Variants in LZTS3 observed in about 807,000 individuals in gnomAD.
The protein encoded by LZTS3 is leucine zipper tumor suppressor family member 3, also known as leucine zipper putative tumor suppressor 3.
LZTS3 carries 16 observed loss-of-function variants against 50.9 expected under a neutral mutation model. The ratio of observed to expected loss-of-function variants is 0.31; its 90% CI spans 0.21 to 0.48. The LOEUF is 0.48. Among genes scored for constraint, LZTS3 ranks in the 20% least tolerant of loss-of-function variants. The probability of loss-of-function intolerance (pLI) is 0.99; values close to 1 mark genes in which losing one functional copy is unlikely to be tolerated. For synonymous variants in LZTS3, 408 were observed against 410.6 expected (o/e 0.99, Z 0.08); for missense variants, 816 against 931.0 (o/e 0.88, Z 1.61).
At position 3,164,606 on chromosome 20, in the gene LZTS3, C is replaced by T. The variant is rs764234215; in HGVS notation, c.1870G>A (p.Val624Met). 6.2e-7 allele frequency: 1 copy of T among 1,612,760 alleles called. No homozygotes were observed. ...EYQKQLQLSY[V>M]EMYQRNQQLE... ...TGCTGGTTGCGCTGGTACATCTCCA[C>T]GTAGCTCAGCTGCAGCTGCTTCTGG... Residue 624 changes from valine to methionine, a missense_variant, in exon 5 of 5, where the codon GTG (valine) becomes ATG (methionine). This residue lies in a region of LZTS3 where 107 missense variants were observed against 130.4 expected (regional missense o/e 0.82). Coordinates refer to ENST00000337576, the MANE Select transcript of LZTS3 (RefSeq NM_001365618.1).
At chr20:3,166,431 G>T (rs1600445797) in intron 3 of LZTS3, 71 bp from the exon 4 acceptor site, 3 of 1,497,276 alleles carry the variant, frequency 2.0e-6, no homozygotes, top group Non-Finnish European at 2.7e-6. Flanking sequence ...CTTCCCTCTG[G>T]CCAAGACTTG....
rs755385847 is a variant in LZTS3 at position 3,166,119 on chromosome 20, T to C, written c.701A>G (p.Tyr234Cys). 1.2e-6 allele frequency: 2 copies of C among 1,612,698 alleles called. No individual in the cohort carries two copies. The highest frequency in any genetic ancestry group is 1.3e-5 in the African/African-American group (1 of 74,926). The change falls in exon 4 of 5, where the codon TAC becomes TGC. Residue 234 changes from tyrosine to cysteine, a missense_variant. Tyr to Cys is a radical substitution (Grantham distance 194). Transcript: ENST00000337576. ...LTSLPTYSSS[Y>C]SQHLAPLSAS... ...ACTGAGGGGTGCCAGGTGCTGGCTG[T>C]AGCTGGAGCTGTAGGTGGGCAGGCT... is the stretch of plus-strand genomic sequence containing the variant.
Position 3,166,734 on chromosome 20 carries a change from G to C in LZTS3, c.430C>G (p.Leu144Val). The change falls in exon 3 of 5, where the codon CTC becomes GTC. Residue 144 changes from leucine (L) to valine (V), a missense_variant. Physicochemically the swap from Leu to Val is conservative, Grantham distance 32 (BLOSUM62 1). Around this residue, in one of 3 missense-constraint regions of LZTS3, gnomAD observed 700 missense variants for 769.4 expected, o/e 0.91. Coordinates refer to ENST00000337576, the MANE Select transcript of LZTS3 (RefSeq NM_001365618.1). Reference protein sequence around the residue: ...QYREPSHPPKLLATSGKLDQC... With the variant: ...QYREPSHPPKVLATSGKLDQC... ...TCTAGCTTGCCAGAGGTGGCCAGGA[G>C]CTTGGGTGGGTGGCTGGGCTCACGA... 1 of 1,613,818 alleles carries C rather than the reference G, an allele frequency of 6.2e-7. No individual in the cohort carries two copies. The highest frequency in any genetic ancestry group is 8.5e-7 in the Non-Finnish European group (1 of 1,179,916).
rs992000464 is a variant in LZTS3, at chr20:3,167,821, G to C, written c.-102C>G. On this transcript the variant is annotated 5_prime_UTR_variant, in exon 2 of 5. Coordinates refer to ENST00000337576, the MANE Select transcript of LZTS3 (RefSeq NM_001365618.1). The stretch of plus-strand genomic sequence containing the variant: ...TGCCTTTCCAAGGGGTTGAGGGGCC[G>C]ACGGGTCCTCAAGCCTGGGACCCTC... 1.0e-6 allele frequency: 1 copy of C among 985,314 alleles called. No homozygotes were observed. The highest frequency in any genetic ancestry group is 1.7e-5 in the African/African-American group (1 of 57,234). 61.0% of individuals were successfully genotyped at this position (985,314 alleles called of 1,614,324 possible).
chr20:3,165,941 C>G lies in LZTS3; in HGVS notation c.879G>C (p.Arg293=). 6.2e-7 allele frequency: 1 copy of G among 1,612,278 alleles called. No homozygotes were observed. The highest frequency in any genetic ancestry group is 8.5e-7 in the Non-Finnish European group (1 of 1,180,000). ...SKSGSSSSMG[R]PGHLGSGEGG... is the part of the protein sequence containing the mutation. ...CCTCCCCAGAGCCCAGGTGGCCTGG[C>G]CGCCCCATAGATGACGACGACCCAC... Residue 293 remains arginine, a synonymous_variant, in exon 4 of 5, where the codon CGG becomes CGC. Transcript: ENST00000337576. The surrounding 1 kb of genome is among the most constrained non-coding windows in gnomAD (Gnocchi z 5.0).
rs948961759 is a variant in LZTS3 at position 3,167,486 on chromosome 20, T to C, written c.-19+252A>G. 2.3e-5 allele frequency: 25 copies of C among 1,108,318 alleles called. No homozygotes were observed. In the African/African-American group the frequency reaches 4.1e-4, roughly 18 times the overall value. The allele number at this position is 1,108,318 out of a possible 1,614,324, so 68.7% of individuals were successfully genotyped here. Reference sequence around the variant, plus strand: ...GCGTTCCATTCCTAAACTTCTGCCTTAGCCCCACCTCCGCCATGAGCTTCC... The same window carrying C: ...GCGTTCCATTCCTAAACTTCTGCCTCAGCCCCACCTCCGCCATGAGCTTCC... On this transcript the variant is annotated intron_variant, in intron 2 of 4. Coordinates refer to ENST00000337576, the MANE Select transcript of LZTS3 (RefSeq NM_001365618.1).
chr20:3,167,294 G>C lies in LZTS3; in HGVS notation c.-18-113C>G, dbSNP rs1008887662. The C allele has an allele frequency of 2.9e-6, 4 of 1,393,218 alleles. No individual in the cohort carries two copies. The African/African-American group carries it at 5.8e-5, about 20-fold the overall frequency. 86.3% of individuals were successfully genotyped at this position (1,393,218 alleles called of 1,614,324 possible). On this transcript the variant is annotated intron_variant, in intron 2 of 4. Transcript: ENST00000337576. ...CCCTCAGTGTCCCCTTCCCTACAAT[G>C]GGTACAAAAAGTTCCCAGGCATCCA... is the stretch of plus-strand genomic sequence containing the variant.
Position 3,164,872 on chromosome 20 carries a change from G to T in LZTS3, c.1604C>A (p.Thr535Asn). Residue 535 changes from threonine to asparagine, a missense_variant, in exon 5 of 5, where the codon ACC becomes AAC. Thr to Asn is a moderately conservative substitution (Grantham distance 65). Around this residue, in one of 3 missense-constraint regions of LZTS3, gnomAD observed 700 missense variants for 769.4 expected, o/e 0.91. Transcript: ENST00000337576. ...DPAEPQDALA[T>N]CESDEAKMRR... The stretch of plus-strand genomic sequence containing the variant: ...CATCTTAGCCTCGTCGCTCTCGCAG[G>T]TGGCCAGAGCATCCTGTGGCTCGGC... The T allele has an allele frequency of 6.4e-7, 1 of 1,555,870 alleles. No individual in the cohort carries two copies. Among genetic ancestry groups the T allele is most frequent in the East Asian group, 2.3e-5 (1 of 42,872 alleles).
At chr20:3,167,504 G>A (rs2066848008) in intron 2 of LZTS3, 5 of 1,087,660 alleles carry the variant, frequency 4.6e-6, no homozygotes, top group Non-Finnish European at 5.6e-6. Context: ...CCTCCGCCAT[G>A]AGCTTCCCAG....
rs533638204 is a variant in LZTS3, at chr20:3,168,964, C to G, written c.-242-1003G>C. ...GGCCCCCACACCAGGAATGAGAGCT[C>G]TAGGTTGTTGGAAAGTTCACTACCA... On this transcript the variant is annotated intron_variant, in intron 1 of 4. Transcript: ENST00000337576. Among the ~76,000 whole-genome samples, 3 of 152,312 alleles carry G rather than the reference C, an allele frequency of 2.0e-5. No homozygotes were observed. The South Asian group carries it at 6.2e-4, about 32-fold the overall frequency.
At chr20:3,170,132 G>A (rs1421722267) in intron 1 of LZTS3, among the ~76,000 whole-genome samples, 1 of 152,128 alleles carries the variant, frequency 6.6e-6, no homozygotes, top group Non-Finnish European at 1.5e-5. Flanking sequence ...GTTGGAGAGT[G>A]TGCTGCGGAT....
rs539198242 is a variant in LZTS3 at position 3,164,481 on chromosome 20, G to A, written c.1995C>T (p.Leu665=). 7.1e-6 allele frequency: 11 copies of A among 1,557,176 alleles called. No homozygotes were observed. Among genetic ancestry groups the A allele is most frequent in the South Asian group, 1.2e-5 (1 of 84,080 alleles). Residue 665 remains leucine, a synonymous_variant, in exon 5 of 5, where the codon CTC becomes CTT. Coordinates refer to ENST00000337576, the MANE Select transcript of LZTS3 (RefSeq NM_001365618.1). ...AGATTTCTGTGGACTCAATGCGCTC[G>A]AGGCGGGAGGGGGTCCAGGCCTTCT... ...EEKKAWTPSR[L]ERIESTEI
chr20:3,171,614 TGCGC>T (rs1279036417), intron 1 of LZTS3, among the ~76,000 whole-genome samples: 1 of 148,914 alleles, frequency 6.7e-6, no homozygotes, highest in Non-Finnish European at 1.5e-5. Context: ...GCAGTGATAT[TGCGC>T]CACTGCACTC....
chr20:3,167,297 T>C, intron 2 of LZTS3, 116 bp from the exon 3 acceptor site: 1 of 1,386,738 alleles, frequency 7.2e-7, no homozygotes, highest in Non-Finnish European at 9.3e-7. Flanking sequence ...CTACAATGGG[T>C]ACAAAAAGTT....
At position 3,167,120 on chromosome 20, in the gene LZTS3, C is replaced by T. The variant is rs754573667; in HGVS notation, c.44G>A (p.Arg15Gln). 29 of 1,504,794 alleles carry T rather than the reference C, an allele frequency of 1.9e-5. No homozygotes were observed. The highest frequency in any genetic ancestry group is 1.9e-4 in the Middle Eastern group (1 of 5,280). The allele number at this position is 1,504,794 out of a possible 1,614,324, so 93.2% of individuals were successfully genotyped here. ...TGGGGCAAAGGCCAGGAGAGGATCC[C>T]GCCCTGGGTCAGCGCGCACAGGCAG... is the stretch of plus-strand genomic sequence containing the variant. ...ETLPVRADPG[R>Q]DPLLAFAPRP... Residue 15 changes from arginine (R) to glutamine (Q), a missense_variant, in exon 3 of 5, where the codon CGG becomes CAG. Around this residue, in one of 3 missense-constraint regions of LZTS3, gnomAD observed 700 missense variants for 769.4 expected, o/e 0.91. Coordinates refer to ENST00000337576, the MANE Select transcript of LZTS3 (RefSeq NM_001365618.1).
At position 3,165,421 on chromosome 20, in the gene LZTS3, T is replaced by C. The variant is rs2122168169; in HGVS notation, c.1323+76A>G. On this transcript the variant is annotated intron_variant, in intron 4 of 4. Transcript: ENST00000337576. The surrounding 1 kb of genome is among the most constrained non-coding windows in gnomAD (Gnocchi z 5.0). ...CCCCCCCATCCCACCGTTATGATAG[T>C]GAGGGGCAACTGCTCTGGGGTTTCC... is the stretch of plus-strand genomic sequence containing the variant. The C allele has an allele frequency of 2.2e-6, 2 of 912,006 alleles. No individual in the cohort carries two copies. Among genetic ancestry groups the C allele is most frequent in the South Asian group, 1.6e-5 (1 of 62,960 alleles). The allele number at this position is 912,006 out of a possible 1,614,324, so 56.5% of individuals were successfully genotyped here. A position where few individuals can be genotyped will look rare whatever the true frequency, so the allele number is the denominator to read the frequency against.
intron 1 of LZTS3, among the ~76,000 whole-genome samples, chr20:3,172,326 C>T (rs576187769): frequency 6.6e-6 from 1 of 152,340 alleles, no homozygotes; most frequent in Admixed American, 6.5e-5. Context: ...ACCTACATTG[C>T]AGGCATTTTA....
At chr20:3,172,781 G>C (rs2066915225) in intron 1 of LZTS3, among the ~76,000 whole-genome samples, 1 of 152,228 alleles carries the variant, frequency 6.6e-6, no homozygotes, top group Non-Finnish European at 1.5e-5. Context: ...GGCAGGGAGA[G>C]CAGGAGGGGT....
chr20:3,171,546 T>C (rs967138829), intron 1 of LZTS3, among the ~76,000 whole-genome samples: 5 of 151,272 alleles, frequency 3.3e-5, no homozygotes, highest in African/African-American at 1.2e-4. Flanking sequence ...GTGTCTGTAA[T>C]CCCAGCTACT....
Sources: allele counts gnomAD v4.1 joint callset (sites outside exome capture counted in the v4.1 genomes callset), GRCh38; gene constraint gnomAD v4.1.1; regional missense constraint gnomAD v4.1.1; non-coding constraint Gnocchi (gnomAD v3.1); transcripts MANE v1.5; gene names NCBI Gene and HGNC (gene_info 2026-07-23, HGNC 2026-07-21).